ALDH1L1: variants seen among roughly 807,000 people sequenced by gnomAD.
The protein encoded by ALDH1L1 is aldehyde dehydrogenase 1 family member L1.
In ALDH1L1, 68 loss-of-function variants were observed where a neutral mutation model predicts 101.1. That is an observed-to-expected ratio of 0.67 (90% confidence interval 0.55 to 0.82). ALDH1L1 has a LOEUF of 0.82. Among genes scored for constraint, ALDH1L1 ranks in the 40% least tolerant of loss-of-function variants. ALDH1L1 has a pLI of 0.00. For missense variants in ALDH1L1, 1,087 were observed against 1,172.7 expected (o/e 0.93, Z 1.07); for synonymous variants, 486 against 470.8 (o/e 1.03, Z -0.42).
intron 12 of ALDH1L1, among the ~76,000 whole-genome samples, chr3:126,131,755 C>T (rs2305224): frequency 1.3e-5 from 2 of 152,244 alleles, no homozygotes; most frequent in African/African-American, 4.8e-5. Flanking sequence ...CTCCTTTCCT[C>T]GATCTTCCCT....
At chr3:126,114,964 A>T in intron 17 of ALDH1L1, 1 of 483,898 alleles carries the variant, frequency 2.1e-6, no homozygotes, top group Non-Finnish European at 4.1e-6. Context: ...ATCGCCCCGT[A>T]TAAAACCACA....
At chr3:126,146,966 G>A (rs2080703843) in intron 8 of ALDH1L1, 40 bp from the exon 9 acceptor site, 1 of 1,587,826 alleles carries the variant, frequency 6.3e-7, no homozygotes, top group Non-Finnish European at 8.6e-7. Context: ...CCCCAGGGGA[G>A]CTGGGGACAA....
At chr3:126,160,009 G>A (rs904458759) in intron 2 of ALDH1L1, among the ~76,000 whole-genome samples, 9 of 152,212 alleles carry the variant, frequency 5.9e-5, no homozygotes, top group Non-Finnish European at 1.0e-4. Flanking sequence ...CATCAGGCCT[G>A]AGAAGGACCA....
intron 21 of ALDH1L1, among the ~76,000 whole-genome samples, chr3:126,106,314 A>C (rs1945868733): frequency 6.6e-6 from 1 of 152,212 alleles, no homozygotes; most frequent in Non-Finnish European, 1.5e-5. Flanking sequence ...GGTGGCAGTG[A>C]AGTCTCTTAT....
intron 7 of ALDH1L1, chr3:126,152,903 A>G (rs6766233): frequency 0.084 from 17,649 of 209,004 alleles, 1,310 homozygotes; most frequent in African/African-American, 0.22. Flanking sequence ...AATTTAACGC[A>G]TATACATTGT....
chr3:126,166,822 C>T (rs2081176873), intron 1 of ALDH1L1, among the ~76,000 whole-genome samples: 1 of 152,128 alleles, frequency 6.6e-6, no homozygotes, highest in Non-Finnish European at 1.5e-5. Context: ...TAAGTTGGCA[C>T]TTCAGTAGTG....
chr3:126,168,927 T>C (rs527681825), intron 1 of ALDH1L1, among the ~76,000 whole-genome samples: 1 of 152,304 alleles, frequency 6.6e-6, no homozygotes, highest in Admixed American at 6.5e-5. Flanking sequence ...TTTCTAACAG[T>C]ATCCAAACTA....
intron 1 of ALDH1L1, among the ~76,000 whole-genome samples, chr3:126,187,741 C>G (rs562708140): frequency 6.6e-6 from 1 of 152,160 alleles, no homozygotes; most frequent in Admixed American, 6.5e-5. Flanking sequence ...GAGGAAAATG[C>G]TGGTGAATTG....
At chr3:126,107,271 G>A (rs1388781697) in intron 20 of ALDH1L1, 25 bp from the exon 21 acceptor site, 1 of 1,585,500 alleles carries the variant, frequency 6.3e-7, no homozygotes, top group Admixed American at 1.7e-5. Flanking sequence ...AAAGCCCGTT[G>A]CACATGGGAG....
intron 22 of ALDH1L1, chr3:126,105,155 C>T (rs973543320): frequency 5.1e-5 from 9 of 176,168 alleles, no homozygotes; most frequent in African/African-American, 1.9e-4. Context: ...GGGAGACTTG[C>T]AACACCCGTG....
chr3:126,165,988 C>T (rs2081160676), intron 1 of ALDH1L1, among the ~76,000 whole-genome samples: 2 of 151,094 alleles, frequency 1.3e-5, no homozygotes, highest in South Asian at 2.1e-4. Context: ...TTCTTTTTTT[C>T]TAGTTCCTTT....
intron 16 of ALDH1L1, among the ~76,000 whole-genome samples, chr3:126,120,798 A>G (rs752284263): frequency 3.3e-5 from 5 of 152,224 alleles, no homozygotes; most frequent in Non-Finnish European, 7.3e-5. Context: ...AATAATAGTA[A>G]TAAAAATAAC....
intron 4 of ALDH1L1, 195 bp from the exon 5 acceptor site, chr3:126,155,698 A>T: frequency 2.0e-6 from 1 of 511,162 alleles, no homozygotes. Flanking sequence ...ACGGACACAG[A>T]CCCGTCCTCT....
At position 126,158,417 on chromosome 3, in the gene ALDH1L1, G is replaced by A. The variant is rs200549529; in HGVS notation, c.350C>T (p.Ser117Leu). 211 of 1,598,156 alleles carry A rather than the reference G, an allele frequency of 1.3e-4. 1 individual carries two copies. The highest frequency in any genetic ancestry group is 1.4e-4 in the Admixed American group (8 of 58,424). ...TGCCCCATCTCACCAGTTGATGGCC[G>A]AGGCCCCTCGGTGCCTAGGGAGCAG... is the stretch of plus-strand genomic sequence containing the variant. ...PSLLPRHRGA[S>L]AINWTLIHGD... Residue 117 changes from serine to leucine, a missense_variant, in exon 3 of 23, where the codon TCG (serine) becomes TTG (leucine). Around this residue, in one of 2 missense-constraint regions of ALDH1L1, gnomAD observed 645 missense variants for 637.0 expected, o/e 1.01. Coordinates refer to ENST00000393434, the MANE Select transcript of ALDH1L1 (RefSeq NM_012190.4).
intron 1 of ALDH1L1, among the ~76,000 whole-genome samples, chr3:126,178,784 G>C (rs374741885): frequency 4.6e-5 from 7 of 152,102 alleles, no homozygotes; most frequent in Non-Finnish European, 7.4e-5. Context: ...GTGCATGCGT[G>C]TGTTTATCTG....
intron 1 of ALDH1L1, among the ~76,000 whole-genome samples, chr3:126,192,489 A>T (rs2081558639): frequency 1.3e-5 from 2 of 152,188 alleles, no homozygotes; most frequent in Admixed American, 6.5e-5. Flanking sequence ...CTGAGTTTTG[A>T]TCTTGTCAGT....
At chr3:126,182,940 AAAGG>A (rs1326189715), upstream of ALDH1L1, among the ~76,000 whole-genome samples, 7 of 152,200 alleles carry the variant, frequency 4.6e-5, no homozygotes, top group Non-Finnish European at 7.3e-5. Context: ...GACATAAGCC[AAAGG>A]AAGGATTGTT....
At chr3:126,155,540 G>C (rs747941278) in intron 4 of ALDH1L1, 37 bp from the exon 5 acceptor site, 26 of 1,576,332 alleles carry the variant, frequency 1.6e-5, no homozygotes, top group Non-Finnish European at 2.2e-5. Context: ...CCCAGCAATA[G>C]GACCCTGCCT....
At chr3:126,194,280 G>T (rs73859032) in intron 1 of ALDH1L1, among the ~76,000 whole-genome samples, 2,742 of 152,212 alleles carry the variant, frequency 0.018, 84 homozygotes, top group African/African-American at 0.063. Context: ...TCTGAAGAAG[G>T]TTAAACATTA....
Sources: gnomAD v4.1 joint callset for allele counts (sites outside exome capture counted in the v4.1 genomes callset) on GRCh38, gnomAD v4.1.1 for gene constraint, gnomAD v4.1.1 regional missense constraint, MANE v1.5 for transcripts, NCBI Gene and HGNC (gene_info 2026-07-23, HGNC 2026-07-21) for gene names.